C8orf74: variants seen among roughly 807,000 people sequenced by gnomAD.
C8orf74 encodes the protein uncharacterized protein C8orf74.
In C8orf74, 29 loss-of-function variants were observed where a neutral mutation model predicts 22.2. The observed-to-expected ratio is 1.31, with a 90% CI of 0.97 to 1.78. The LOEUF (loss-of-function observed/expected upper bound fraction) is 1.78. Among genes scored for constraint, C8orf74 ranks in the 40% most tolerant of loss-of-function variants. The pLI is 0.00. For synonymous variants in C8orf74, 255 were observed against 163.1 expected (o/e 1.56, Z -4.30); for missense variants, 515 against 369.9 (o/e 1.39, Z -3.22).
At chr8:10,676,299 G>A (rs966941923) in intron 2 of C8orf74, among the ~76,000 whole-genome samples, 15 of 152,098 alleles carry the variant, frequency 9.9e-5, no homozygotes, top group Admixed American at 2.6e-4. Context: ...CACACAAGGC[G>A]CCATCCTTAA....
chr8:10,674,287 AGCCCCC>A (rs1798980756), intron 1 of C8orf74, among the ~76,000 whole-genome samples: 1 of 87,992 alleles, frequency 1.1e-5, no homozygotes, highest in African/African-American at 4.3e-5. Context: ...CACACCCCGC[AGCCCCC>A]ATATCACACC....
intron 2 of C8orf74, among the ~76,000 whole-genome samples, chr8:10,684,842 A>C (rs1799227363): frequency 6.6e-6 from 1 of 152,220 alleles, no homozygotes; most frequent in Non-Finnish European, 1.5e-5. Context: ...TGCCAGCATC[A>C]CCACTGTTGC....
At chr8:10,677,118 C>T (rs1334218213) in intron 2 of C8orf74, among the ~76,000 whole-genome samples, 2 of 152,092 alleles carry the variant, frequency 1.3e-5, no homozygotes, top group African/African-American at 2.4e-5. Context: ...CCCCTGGATG[C>T]CAACTAAGCT....
chr8:10,688,679 CCTT>C (rs1799312876), intron 2 of C8orf74: 1 of 152,344 alleles, frequency 6.6e-6, no homozygotes, highest in Non-Finnish European at 1.5e-5. Context: ...GCGTGGTCCT[CCTT>C]TGGCCAGTCC....
intron 2 of C8orf74, among the ~76,000 whole-genome samples, chr8:10,678,972 G>A (rs1198535731): frequency 6.6e-6 from 1 of 152,196 alleles, no homozygotes; most frequent in South Asian, 2.1e-4. Context: ...CCCAGATGCC[G>A]AGGGTAGAAT....
At chr8:10,692,599 T>A (rs1799403771) in intron 2 of C8orf74, 1 of 152,302 alleles carries the variant, frequency 6.6e-6, no homozygotes, top group Admixed American at 6.5e-5. Flanking sequence ...CTTGACCTCC[T>A]GGGCTCAAGT....
chr8:10,684,553 C>A (rs887244910), intron 2 of C8orf74, among the ~76,000 whole-genome samples: 4 of 152,198 alleles, frequency 2.6e-5, no homozygotes, highest in African/African-American at 9.7e-5. Flanking sequence ...AGATTTTCCC[C>A]TTAATATGGA....
intron 2 of C8orf74, chr8:10,679,924 G>C (rs1416727007): frequency 6.5e-6 from 1 of 152,826 alleles, no homozygotes. Context: ...TCCTCAGCTG[G>C]AGAGTGAGGA....
intron 2 of C8orf74, among the ~76,000 whole-genome samples, chr8:10,685,011 C>T (rs1799231918): frequency 6.6e-6 from 1 of 152,206 alleles, no homozygotes; most frequent in African/African-American, 2.4e-5. Context: ...CCACTCCCCA[C>T]AGGGGGCGGA....
chr8:10,690,628 G>A (rs1214965325), intron 2 of C8orf74, among the ~76,000 whole-genome samples: 1 of 152,124 alleles, frequency 6.6e-6, no homozygotes, highest in Non-Finnish European at 1.5e-5. Flanking sequence ...ACCCGCTCAG[G>A]CACACCCAGA....
intron 2 of C8orf74, among the ~76,000 whole-genome samples, chr8:10,681,524 G>A (rs1429457896): frequency 6.6e-6 from 1 of 152,064 alleles, no homozygotes; most frequent in Non-Finnish European, 1.5e-5. Context: ...GTGCCCAGGA[G>A]GCCTGCACAG....
intron 2 of C8orf74, chr8:10,693,040 C>G (rs1306660138): frequency 5.3e-5 from 8 of 152,314 alleles, no homozygotes; most frequent in African/African-American, 1.9e-4. Flanking sequence ...GGGCCTCTGC[C>G]AGATGGCGGT....
In C8orf74 at chr8:10,672,689, A is replaced by G; in HGVS notation, c.24A>G (p.Gly8=). ...CCATGGCACTCTTAACACCCCAGGG[A>G]GTGAAAGAAGTCTTCCAACTTCAGG... MALLTPQ[G]VKEVFQLQRP... is the part of the protein sequence containing the mutation. Residue 8 remains glycine, a synonymous_variant, in exon 1 of 4, where the codon GGA becomes GGG. Coordinates refer to ENST00000304519, the MANE Select transcript of C8orf74 (RefSeq NM_001040032.2). 1 of 1,565,492 alleles carries G rather than the reference A, an allele frequency of 6.4e-7. No individual in the cohort carries two copies. The highest frequency in any genetic ancestry group is 1.2e-5 in the South Asian group (1 of 84,738).
At chr8:10,692,843 C>T (rs1799411282) in intron 2 of C8orf74, 1 of 152,242 alleles carries the variant, frequency 6.6e-6, no homozygotes, top group Non-Finnish European at 1.5e-5. Context: ...GGGAGCTGGG[C>T]ACTGCTCTGG....
intron 2 of C8orf74, among the ~76,000 whole-genome samples, chr8:10,696,415 T>TC (rs1799499247): frequency 6.8e-6 from 1 of 147,854 alleles, no homozygotes; most frequent in African/African-American, 2.7e-5. Flanking sequence ...TCCACTCTTT[T>TC]TTTTTCTTTT....
chr8:10,679,118 G>A (rs1486204368), intron 2 of C8orf74, among the ~76,000 whole-genome samples: 2 of 152,182 alleles, frequency 1.3e-5, no homozygotes, highest in East Asian at 1.9e-4. Context: ...CATTCCCTCA[G>A]CCTCTCTGTG....
chr8:10,679,480 T>C (rs188543825), intron 2 of C8orf74, among the ~76,000 whole-genome samples: 100 of 152,292 alleles, frequency 6.6e-4, no homozygotes, highest in Middle Eastern at 3.4e-3. Flanking sequence ...TCTGGTGTCA[T>C]CCAAGTGGCA....
intron 2 of C8orf74, among the ~76,000 whole-genome samples, chr8:10,694,790 G>A (rs1799454172): frequency 6.6e-6 from 1 of 152,290 alleles, no homozygotes; most frequent in African/African-American, 2.4e-5. Context: ...ATGGATGGGT[G>A]GATAGATCAA....
At chr8:10,684,341 G>C (rs1045699138) in intron 2 of C8orf74, among the ~76,000 whole-genome samples, 1 of 152,158 alleles carries the variant, frequency 6.6e-6, no homozygotes, top group Non-Finnish European at 1.5e-5. Flanking sequence ...TTGAGAAATG[G>C]CGGCAAGGAT....
Sources: allele counts gnomAD v4.1 joint callset (sites outside exome capture counted in the v4.1 genomes callset), GRCh38; gene constraint gnomAD v4.1.1; transcripts MANE v1.5; gene names NCBI Gene and HGNC (gene_info 2026-07-23, HGNC 2026-07-21).